The following GLRB variants were observed in gnomAD, a reference collection of about 807,000 sequenced individuals.
GLRB encodes the protein glycine receptor subunit beta.
Under a neutral mutation model 54.2 loss-of-function variants are expected in GLRB, and 33 were observed. That is an observed-to-expected ratio of 0.61 (90% CI 0.46 to 0.81). GLRB has a LOEUF of 0.81. GLRB is among the 40% of genes least tolerant of loss of function. The probability of loss-of-function intolerance (pLI) is 0.00; values close to 1 mark genes in which losing one functional copy is unlikely to be tolerated. For missense variants in GLRB, 572 were observed against 584.6 expected (o/e 0.98, Z 0.22); for synonymous variants, 209 against 208.2 (o/e 1.00, Z -0.03).
At chr4:157,114,682 G>T (rs1735543024) in intron 2 of GLRB, among the ~76,000 whole-genome samples, 1 of 151,626 alleles carries the variant, frequency 6.6e-6, no homozygotes, top group South Asian at 2.1e-4. Context: ...TACTTTTGAT[G>T]ACTGTGAGAG....
chr4:157,109,114 A>G (rs1171822857), intron 2 of GLRB, among the ~76,000 whole-genome samples: 1 of 152,086 alleles, frequency 6.6e-6, no homozygotes, highest in Non-Finnish European at 1.5e-5. Flanking sequence ...AAACCAAAAC[A>G]TTTGTATGAC....
At chr4:157,078,580 T>C (rs1734123291) in intron 2 of GLRB, among the ~76,000 whole-genome samples, 1 of 152,080 alleles carries the variant, frequency 6.6e-6, no homozygotes, top group Non-Finnish European at 1.5e-5. Context: ...GATCTTAAGG[T>C]CAGTTCATAT....
chr4:157,095,681 A>T (rs1287963928), intron 2 of GLRB, among the ~76,000 whole-genome samples: 11 of 152,322 alleles, frequency 7.2e-5, no homozygotes, highest in Admixed American at 5.9e-4. Context: ...TTTTTTAAAA[A>T]GACATAAAGC....
chr4:157,102,157 G>T (rs1036126216), intron 2 of GLRB, among the ~76,000 whole-genome samples: 1 of 152,110 alleles, frequency 6.6e-6, no homozygotes, highest in Non-Finnish European at 1.5e-5. Context: ...GATTGTTTTG[G>T]GAGGATTATC....
intron 9 of GLRB, among the ~76,000 whole-genome samples, chr4:157,161,110 C>T (rs181371871): frequency 6.6e-6 from 1 of 152,172 alleles, no homozygotes; most frequent in Admixed American, 6.5e-5. Context: ...CTCTTTTGAT[C>T]TTTGTTGGTT....
At chr4:157,120,133 A>G (rs985163069) in intron 2 of GLRB, among the ~76,000 whole-genome samples, 1 of 151,092 alleles carries the variant, frequency 6.6e-6, no homozygotes, top group Admixed American at 6.6e-5. Flanking sequence ...TGTCGCAAGA[A>G]CAAAAAACCA....
rs1250622932 is a variant in GLRB at position 157,136,766 on chromosome 4, T to C, written c.528-38T>C. 3 of 1,495,928 alleles carry C rather than the reference T, an allele frequency of 2.0e-6. No individual in the cohort carries two copies. In the South Asian group the frequency reaches 3.4e-5, roughly 17 times the overall value. 92.7% of individuals were successfully genotyped at this position (1,495,928 alleles called of 1,614,324 possible). A position where few individuals can be genotyped will look rare whatever the true frequency, so the allele number is the denominator to read the frequency against. On this transcript the variant is annotated intron_variant, in intron 5 of 9. Coordinates refer to ENST00000264428, the MANE Select transcript of GLRB (RefSeq NM_000824.5). ...CTAAAATCAATGGATGACAGAGAAG[T>C]ATATTAAATTATTTCTAAGACCCAT... is the stretch of plus-strand genomic sequence containing the variant.
In GLRB at chr4:157,120,063, G is replaced by A. The variant is rs578195453; in HGVS notation, c.123-493G>A. 8.0e-3 allele frequency among the ~76,000 whole-genome samples: 1,218 copies of A among 151,662 alleles called. 21 individuals carry two copies. Among genetic ancestry groups the A allele is most frequent in the African/African-American group, 0.028 (1,160 of 41,426 alleles). On this transcript the variant is annotated intron_variant, in intron 2 of 9. Coordinates refer to ENST00000264428, the MANE Select transcript of GLRB (RefSeq NM_000824.5). ...GAATGCTATGCAGCCATAAAAAATG[G>A]TGAGTTCATGTCCTTTGTAGGGACA...
intron 2 of GLRB, among the ~76,000 whole-genome samples, chr4:157,090,123 G>C (rs1194809975): frequency 6.6e-6 from 1 of 152,148 alleles, no homozygotes; most frequent in Non-Finnish European, 1.5e-5. Context: ...CTCTACAACA[G>C]TGGATCTCAA....
Position 157,143,876 on chromosome 4 carries a change from A to G in GLRB, c.821A>G (p.Tyr274Cys). 1 of 1,613,704 alleles carries G rather than the reference A, an allele frequency of 6.2e-7. No homozygotes were observed. Among genetic ancestry groups the G allele is most frequent in the Non-Finnish European group, 8.5e-7 (1 of 1,179,798 alleles). The change falls in exon 8 of 10, where the codon TAC becomes TGC. Residue 274 changes from tyrosine (Y) to cysteine (C), a missense_variant. By Grantham distance (194) the Tyr-to-Cys change is radical. Transcript: ENST00000264428. ...GTCGGCTTTTACATGATGGGGGTCT[A>G]CGCCCCAACTCTGCTCATTGTTGTT... ...RQVGFYMMGV[Y>C]APTLLIVVLS... is the part of the protein sequence containing the mutation.
chr4:157,151,648 T>C (rs1737026253), intron 8 of GLRB, among the ~76,000 whole-genome samples: 2 of 152,158 alleles, frequency 1.3e-5, no homozygotes, highest in Non-Finnish European at 2.9e-5. Flanking sequence ...TCTGAAATGA[T>C]GCAATTGATA....
intron 2 of GLRB, among the ~76,000 whole-genome samples, chr4:157,089,961 G>C (rs937029866): frequency 6.6e-6 from 1 of 152,102 alleles, no homozygotes; most frequent in East Asian, 1.9e-4. Flanking sequence ...TCATTCTGTT[G>C]ATGGTTTAGA....
chr4:157,165,485 A>G (rs572817623), intron 9 of GLRB, among the ~76,000 whole-genome samples: 2 of 152,012 alleles, frequency 1.3e-5, no homozygotes, highest in Non-Finnish European at 2.9e-5. Flanking sequence ...GCTGATGTAT[A>G]AAATAATATT....
intron 2 of GLRB, among the ~76,000 whole-genome samples, chr4:157,107,257 T>C (rs1193909543): frequency 1.3e-5 from 2 of 152,044 alleles, no homozygotes; most frequent in African/African-American, 4.8e-5. Context: ...GTCTCTAAGT[T>C]TTCAGGTGAA....
intron 2 of GLRB, among the ~76,000 whole-genome samples, chr4:157,082,374 T>C (rs958298274): frequency 1.3e-5 from 2 of 152,158 alleles, no homozygotes; most frequent in Non-Finnish European, 2.9e-5. Context: ...CCCCACTAGA[T>C]TGTAAGCTCC....
At chr4:157,150,249 G>GA (rs1418400429) in intron 8 of GLRB, among the ~76,000 whole-genome samples, 80 of 152,106 alleles carry the variant, frequency 5.3e-4, no homozygotes, top group African/African-American at 1.9e-3. Flanking sequence ...TTTTTAGCTA[G>GA]AAAATGCTAA....
At chr4:157,128,733 G>T (rs970155538) in intron 4 of GLRB, among the ~76,000 whole-genome samples, 5 of 151,742 alleles carry the variant, frequency 3.3e-5, no homozygotes, top group African/African-American at 1.2e-4. Flanking sequence ...CTTGAAAAAT[G>T]ATATATTGAG....
At chr4:157,153,065 A>T in intron 9 of GLRB, 55 bp downstream of exon 9, 1 of 1,386,922 alleles carries the variant, frequency 7.2e-7, no homozygotes, top group Non-Finnish European at 1.0e-6. Context: ...CATAGTGTCA[A>T]GAGAGAGACA....
chr4:157,128,233 C>T (rs1486463459), intron 4 of GLRB, among the ~76,000 whole-genome samples: 1 of 151,648 alleles, frequency 6.6e-6, no homozygotes, highest in Non-Finnish European at 1.5e-5. Flanking sequence ...TCCTTTGTGT[C>T]AAAGTTACCT....
Sources: gnomAD v4.1 joint callset for allele counts (sites outside exome capture counted in the v4.1 genomes callset) on GRCh38, gnomAD v4.1.1 for gene constraint, MANE v1.5 for transcripts, NCBI Gene and HGNC (gene_info 2026-07-23, HGNC 2026-07-21) for gene names.